Variants in EEIG1 observed in about 807,000 individuals in gnomAD.
The protein encoded by EEIG1 is estrogen-induced osteoclastogenesis regulator 1, also known as early estrogen-induced gene 1 protein.
chr9:127,945,798 C>G, the EEIG1 span: 1 of 1,307,320 alleles, frequency 7.6e-7, no homozygotes, highest in South Asian at 1.3e-5. The surrounding 1 kb of genome is among the most constrained non-coding windows in gnomAD (Gnocchi z 6.5). Context: ...AGGGGTCACC[C>G]AGTGCTGCTC....
chr9:127,951,395 G>A, the EEIG1 span, among the ~76,000 whole-genome samples: 1 of 152,222 alleles, frequency 6.6e-6, no homozygotes. Flanking sequence ...AGGGATGAGT[G>A]TCAAGTAACT....
At chr9:127,945,997 A>T in the EEIG1 span, among the ~76,000 whole-genome samples, 1 of 152,236 alleles carries the variant, frequency 6.6e-6, no homozygotes, top group Non-Finnish European at 1.5e-5. The surrounding 1 kb of genome is among the most constrained non-coding windows in gnomAD (Gnocchi z 6.5). Flanking sequence ...AGGAAGAAGA[A>T]CGCTGAACAA....
chr9:127,960,750 C>A, the EEIG1 span, among the ~76,000 whole-genome samples: 1 of 152,146 alleles, frequency 6.6e-6, no homozygotes, highest in Admixed American at 6.5e-5. Context: ...GCCAGGAAGC[C>A]TAAGGCCCAT....
the EEIG1 span, chr9:127,944,844 G>A: frequency 6.2e-6 from 10 of 1,612,422 alleles, no homozygotes; most frequent in Middle Eastern, 1.6e-4. Context: ...CATCCGCATC[G>A]ATCCGCGTGT....
the EEIG1 span, chr9:127,944,696 C>T: frequency 6.8e-6 from 11 of 1,613,026 alleles, no homozygotes; most frequent in African/African-American, 6.7e-5. Context: ...TGTGGGGACA[C>T]AGGAGAGGAT....
chr9:127,961,601 G>C, the EEIG1 span, among the ~76,000 whole-genome samples: 1 of 152,232 alleles, frequency 6.6e-6, no homozygotes, highest in South Asian at 2.1e-4. Flanking sequence ...GTGGGTGGAA[G>C]ACAGACAAAA....
the EEIG1 span, chr9:127,943,431 G>T: frequency 1.6e-6 from 1 of 611,782 alleles, no homozygotes. Context: ...ATCAGAGTCT[G>T]TGGGGCCTGC....
the EEIG1 span, chr9:127,980,237 C>T: frequency 1.5e-6 from 2 of 1,332,592 alleles, no homozygotes; most frequent in Non-Finnish European, 2.0e-6. Context: ...ACACCAGAGC[C>T]GGATCCCGCC....
At chr9:127,967,316 C>T in the EEIG1 span, among the ~76,000 whole-genome samples, 139 of 152,170 alleles carry the variant, frequency 9.1e-4, no homozygotes, top group Admixed American at 2.6e-3. Flanking sequence ...AAGCACTCTC[C>T]CTGACCCCAA....
At chr9:127,971,414 C>G in the EEIG1 span, among the ~76,000 whole-genome samples, 1 of 152,114 alleles carries the variant, frequency 6.6e-6, no homozygotes, top group Non-Finnish European at 1.5e-5. Context: ...CCACCCCACC[C>G]AAACCATTGA....
the EEIG1 span, among the ~76,000 whole-genome samples, chr9:127,979,570 C>T: frequency 1.3e-5 from 2 of 152,236 alleles, no homozygotes; most frequent in African/African-American, 4.8e-5. Context: ...TGCGATCGGG[C>T]CTTCCCAGGC....
the EEIG1 span, among the ~76,000 whole-genome samples, chr9:127,966,117 G>T: frequency 6.6e-6 from 1 of 152,202 alleles, no homozygotes; most frequent in African/African-American, 2.4e-5. Flanking sequence ...GCACAGAGTG[G>T]ACAGCCCACT....
chr9:127,967,691 T>A, the EEIG1 span, among the ~76,000 whole-genome samples: 1 of 152,192 alleles, frequency 6.6e-6, no homozygotes, highest in Non-Finnish European at 1.5e-5. Context: ...CCACAAGGCA[T>A]TGGGAAGCAG....
At chr9:127,958,149 T>C in the EEIG1 span, among the ~76,000 whole-genome samples, 1 of 152,122 alleles carries the variant, frequency 6.6e-6, no homozygotes, top group African/African-American at 2.4e-5. Context: ...GAGAATGAAG[T>C]GCGTGTGTGA....
the EEIG1 span, among the ~76,000 whole-genome samples, chr9:127,978,851 T>C: frequency 6.6e-6 from 1 of 151,646 alleles, no homozygotes; most frequent in African/African-American, 2.4e-5. Flanking sequence ...ATAAACAAAA[T>C]TAAAATTTAA....
chr9:127,945,778 G>A, the EEIG1 span: 5 of 1,493,696 alleles, frequency 3.3e-6, no homozygotes, highest in African/African-American at 1.4e-5. The surrounding 1 kb of genome is among the most constrained non-coding windows in gnomAD (Gnocchi z 6.5). Flanking sequence ...GGGGCAGGGG[G>A]TGAGGTGACA....
At chr9:127,945,838 G>A in the EEIG1 span, 6 of 913,320 alleles carry the variant, frequency 6.6e-6, no homozygotes, top group Non-Finnish European at 8.6e-6. The surrounding 1 kb of genome is among the most constrained non-coding windows in gnomAD (Gnocchi z 6.5). Flanking sequence ...TGCCCTCACA[G>A]AGCCTCCCAT....
the EEIG1 span, among the ~76,000 whole-genome samples, chr9:127,967,398 C>G: frequency 2.0e-5 from 3 of 152,272 alleles, no homozygotes; most frequent in South Asian, 6.2e-4. Flanking sequence ...AAATTGAGGC[C>G]CCAGAGCAGG....
chr9:127,944,381 T>C, the EEIG1 span: 12 of 594,376 alleles, frequency 2.0e-5, no homozygotes, highest in African/African-American at 1.9e-4. Context: ...CCTTGTGAAC[T>C]GTGGGAAACC....
Sources: allele counts gnomAD v4.1 joint callset (sites outside exome capture counted in the v4.1 genomes callset), GRCh38; gene constraint gnomAD v4.1.1; non-coding constraint Gnocchi (gnomAD v3.1); transcripts MANE v1.5; gene names NCBI Gene and HGNC (gene_info 2026-07-23, HGNC 2026-07-21).